MACF1: variants seen among roughly 807,000 people sequenced by gnomAD.
The protein encoded by MACF1 is microtubule actin crosslinking factor 1.
Under a neutral mutation model 854.8 loss-of-function variants are expected in MACF1, and 193 were observed. The ratio of observed to expected loss-of-function variants is 0.23; its 90% CI spans 0.20 to 0.25. MACF1 has a LOEUF of 0.25. Among genes scored for constraint, MACF1 ranks in the 10% least tolerant of loss-of-function variants. The pLI is 1.00. For synonymous variants in MACF1, 3,185 were observed against 3,226.7 expected, an observed-to-expected ratio of 0.99 and a Z score of 0.44; for missense variants, 7,722 against 8,929.1, an observed-to-expected ratio of 0.86 and a Z score of 5.45.
At chr1:39,393,191 AAAAAAATATAT>A (rs1642110065) in intron 58 of MACF1, among the ~76,000 whole-genome samples, 1 of 102,518 alleles carries the variant, frequency 9.8e-6, no homozygotes, top group African/African-American at 4.7e-5. Flanking sequence ...TAAAAAAAAA[AAAAAAATATAT>A]ATATATATAT....
intron 36 of MACF1, 96 bp downstream of exon 36, chr1:39,327,449 A>C (rs1208192033): frequency 5.3e-6 from 7 of 1,310,554 alleles, no homozygotes; most frequent in Non-Finnish European, 7.2e-6. Context: ...CTAGCTTTCC[A>C]TGACCAATGT....
intron 23 of MACF1, among the ~76,000 whole-genome samples, chr1:39,305,277 A>AGTGT (rs58977749): frequency 6.0e-5 from 9 of 149,356 alleles, no homozygotes; most frequent in Admixed American, 3.4e-4. Flanking sequence ...AAAAAAAAAA[A>AGTGT]GTGTGTGTGT....
chr1:39,443,188 C>G (rs2148667296), intron 78 of MACF1, among the ~76,000 whole-genome samples: 1 of 152,266 alleles, frequency 6.6e-6, no homozygotes, highest in East Asian at 1.9e-4. Flanking sequence ...AGGTCTCTTC[C>G]TATTCAACAG....
chr1:39,378,787 G>A (rs1649934586), intron 53 of MACF1, among the ~76,000 whole-genome samples: 1 of 152,132 alleles, frequency 6.6e-6, no homozygotes, highest in Non-Finnish European at 1.5e-5. Flanking sequence ...GAAAATATAT[G>A]TTAATCTTTG....
At chr1:39,484,796 G>A (rs891156846) in intron 100 of MACF1, 66 bp downstream of exon 100, 1 of 1,590,452 alleles carries the variant, frequency 6.3e-7, no homozygotes, top group Non-Finnish European at 8.6e-7. Flanking sequence ...TATGTGGAAT[G>A]TTTCACTGCT....
chr1:39,277,624 T>A (rs1204790408), intron 6 of MACF1, among the ~76,000 whole-genome samples: 1 of 152,212 alleles, frequency 6.6e-6, no homozygotes, highest in Non-Finnish European at 1.5e-5. Flanking sequence ...TCTTCTTTTT[T>A]TGTTTTCCAC....
intron 58 of MACF1, among the ~76,000 whole-genome samples, chr1:39,394,889 A>G (rs1169123727): frequency 1.3e-5 from 2 of 152,170 alleles, no homozygotes; most frequent in Admixed American, 1.3e-4. Context: ...CTTTACCAAG[A>G]TGAGTGGGTA....
At chr1:39,412,165 G>C (rs1643040227) in intron 58 of MACF1, 1 of 1,613,820 alleles carries the variant, frequency 6.2e-7, no homozygotes, top group Non-Finnish European at 8.5e-7. Flanking sequence ...TTTGTCCCAG[G>C]GAGACTGCAG....
In MACF1 at chr1:39,332,272, C is replaced by T. The variant is rs1311346513; in HGVS notation, c.5684C>T (p.Thr1895Ile). The T allele has an allele frequency of 1.2e-6, 2 of 1,613,880 alleles. No homozygotes were observed. The highest frequency in any genetic ancestry group is 1.7e-6 in the Non-Finnish European group (2 of 1,180,030). Residue 1895 changes from threonine to isoleucine, a missense_variant, in exon 37 of 101, where the codon ACA becomes ATA. Coordinates refer to ENST00000564288, the MANE Select transcript of MACF1 (RefSeq NM_001394062.1). ...HIKALFLPAT[T>I]EILSWKKAIE... ...AAGGCTCTGTTTCTACCAGCAACCA[C>T]AGAGATTTTGTCCTGGAAGAAAGCA...
At chr1:39,387,067 T>C in intron 57 of MACF1, 120 bp from the exon 58 acceptor site, 2 of 1,069,726 alleles carry the variant, frequency 1.9e-6, no homozygotes, top group Non-Finnish European at 2.7e-6. Context: ...TGCCTCTTTT[T>C]GGTAGGCCCT....
In MACF1 at chr1:39,283,013, AC is replaced by A; in HGVS notation, c.696-175del. The A allele has an allele frequency of 1.8e-6, 1 of 563,344 alleles. No individual in the cohort carries two copies. Among genetic ancestry groups the A allele is most frequent in the Non-Finnish European group, 3.1e-6 (1 of 317,864 alleles). 34.9% of individuals were successfully genotyped at this position (563,344 alleles called of 1,614,324 possible). On this transcript the variant is annotated intron_variant, in intron 7 of 100. Transcript: ENST00000564288. The surrounding 1 kb of genome is among the most constrained non-coding windows in gnomAD (Gnocchi z 4.5). ...ATGTTTAAGTTTAGCATTAGGGAGC[AC>A]TGGGCCCCTGGTGTATACTTAAAAA...
chr1:39,477,077 A>ATATACACACACACATATATACACTTAGTG (rs1557675037), intron 97 of MACF1, among the ~76,000 whole-genome samples: 2 of 19,226 alleles, frequency 1.0e-4, no homozygotes, highest in South Asian at 2.2e-3. Flanking sequence ...ATATATATAT[A>ATATACACACACACATATATACACTTAGTG]TATATATATA....
At chr1:39,392,231 T>C (rs1189564338) in intron 58 of MACF1, among the ~76,000 whole-genome samples, 1 of 152,006 alleles carries the variant, frequency 6.6e-6, no homozygotes, top group Non-Finnish European at 1.5e-5. Flanking sequence ...GTGAAAACAA[T>C]GAGAGGAGAA....
intron 40 of MACF1, among the ~76,000 whole-genome samples, chr1:39,346,188 C>A (rs926599729): frequency 4.0e-5 from 6 of 151,894 alleles, no homozygotes; most frequent in African/African-American, 1.2e-4. Context: ...CAGTGAAACC[C>A]CATCTCTACT....
intron 58 of MACF1, among the ~76,000 whole-genome samples, chr1:39,402,924 T>C (rs945031076): frequency 6.6e-6 from 1 of 151,968 alleles, no homozygotes; most frequent in Non-Finnish European, 1.5e-5. Context: ...CTCCTAAATA[T>C]GTGGTTCCTT....
intron 58 of MACF1, chr1:39,412,025 G>C: frequency 6.2e-7 from 1 of 1,614,000 alleles, no homozygotes; most frequent in East Asian, 2.2e-5. Flanking sequence ...TTTAAGTCCA[G>C]ACAGCCAGCT....
At position 39,252,022 on chromosome 1, in the gene MACF1, C is replaced by T. The variant is rs1645045329; in HGVS notation, c.357+81C>T. On this transcript the variant is annotated intron_variant, in intron 4 of 100. Coordinates refer to ENST00000564288, the MANE Select transcript of MACF1 (RefSeq NM_001394062.1). ...CATCAGAGTCTGAGGTTCTCCAGGT[C>T]TCGAAGTAGTTCAGTTACTATTTGC... is the stretch of plus-strand genomic sequence containing the variant. The T allele has an allele frequency of 3.3e-6, 3 of 911,484 alleles. No homozygotes were observed. In the African/African-American group the frequency reaches 5.1e-5, roughly 16 times the overall value. 56.5% of individuals were successfully genotyped at this position (911,484 alleles called of 1,614,324 possible). A position where few individuals can be genotyped will look rare whatever the true frequency, so the allele number is the denominator to read the frequency against.
At chr1:39,086,279 TG>T (rs1315738654) in intron 2 of MACF1, among the ~76,000 whole-genome samples, 1 of 152,236 alleles carries the variant, frequency 6.6e-6, no homozygotes, top group Non-Finnish European at 1.5e-5. Flanking sequence ...GAAAGGCTTA[TG>T]TGGGCTCAGG....
chr1:39,387,912 A>G lies in MACF1; in HGVS notation c.15070A>G (p.Lys5024Glu). 1 of 1,613,952 alleles carries G rather than the reference A, an allele frequency of 6.2e-7. No individual in the cohort carries two copies. The highest frequency in any genetic ancestry group is 8.5e-7 in the Non-Finnish European group (1 of 1,180,022). The stretch of plus-strand genomic sequence containing the variant: ...CCAGGAAAGCTTTAAGAATATTGAA[A>G]AGAAGGTTGAAGGAGCCAAACACCA... Reference protein sequence around the residue: ...EFQESFKNIEKKVEGAKHQLE... With the variant: ...EFQESFKNIEEKVEGAKHQLE... Residue 5024 changes from lysine (K) to glutamate (E), a missense_variant, in exon 58 of 101, where the codon AAG becomes GAG. Transcript: ENST00000564288.
Sources: gnomAD v4.1 joint callset for allele counts (sites outside exome capture counted in the v4.1 genomes callset) on GRCh38, gnomAD v4.1.1 for gene constraint, Gnocchi (gnomAD v3.1) non-coding constraint, MANE v1.5 for transcripts, NCBI Gene and HGNC (gene_info 2026-07-23, HGNC 2026-07-21) for gene names.